The following PVRIG variants were observed in gnomAD, a reference collection of about 807,000 sequenced individuals.
The protein encoded by PVRIG is PVR related immunoglobulin domain containing.
A neutral mutation model predicts 21.9 loss-of-function variants in PVRIG; 16 were observed. That is an observed-to-expected ratio of 0.73 (90% CI 0.50 to 1.11). PVRIG has a LOEUF of 1.11. Among genes scored for constraint, PVRIG ranks in the 50% most tolerant of loss-of-function variants. The pLI, the probability that PVRIG is intolerant of heterozygous loss-of-function variation, is 0.00. For synonymous variants in PVRIG, 190 were observed against 181.0 expected (o/e 1.05, Z -0.40); for missense variants, 435 against 445.7 (o/e 0.98, Z 0.22).
exon 6 of PVRIG, chr7:100,221,319 T>C (rs1421622558): frequency 6.2e-6 from 8 of 1,290,458 alleles, no homozygotes; most frequent in Non-Finnish European, 8.3e-6. Flanking sequence ...TTACTTTAAT[T>C]CTTGGGCCTC....
At chr7:100,219,408 C>G (rs944031173) in intron 1 of PVRIG, 7 of 191,856 alleles carry the variant, frequency 3.6e-5, no homozygotes, top group African/African-American at 1.4e-4. Flanking sequence ...GGGGTGCGTT[C>G]AGGGTAGATC....
Position 100,221,488 on chromosome 7 carries a change from G to A in PVRIG, c.*237G>A, listed in dbSNP as rs117213391. 699 of 444,774 alleles carry A rather than the reference G, an allele frequency of 1.6e-3. 4 individuals are homozygous for A. The highest frequency in any genetic ancestry group is 6.5e-4 in the Non-Finnish European group (164 of 253,256). 27.6% of individuals were successfully genotyped at this position (444,774 alleles called of 1,614,324 possible). A position where few individuals can be genotyped will look rare whatever the true frequency, so the allele number is the denominator to read the frequency against. Reference sequence around the variant, plus strand: ...TCAGCAACACAGTTTCTCTGATGTCGGCCTCGGCTGTGCTTCTTCTTTGGG... The same window carrying A: ...TCAGCAACACAGTTTCTCTGATGTCAGCCTCGGCTGTGCTTCTTCTTTGGG... On this transcript the variant is annotated 3_prime_UTR_variant, in exon 6 of 6. Transcript: ENST00000317271.
chr7:100,220,937 C>T lies in PVRIG; in HGVS notation c.667C>T (p.Gln223Ter). Residue 223 changes from glutamine (Q) to a stop codon, truncating the protein, a stop_gained, in exon 6 of 6, where the codon CAG becomes TAG. Transcript: ENST00000317271. LOFTEE classifies it low-confidence loss of function (END_TRUNC). ...TCCTTCCCCCGCGCAGGCACCAAGC[C>T]AGGCCTCCCAGGCTGCTCTTCACGT... 1 of 1,577,408 alleles carries T rather than the reference C, an allele frequency of 6.3e-7. No homozygotes were observed. Among genetic ancestry groups the T allele is most frequent in the Non-Finnish European group, 8.6e-7 (1 of 1,159,638 alleles).
chr7:100,221,219 A>G (rs1803233377), exon 6 of PVRIG: 1 of 1,603,294 alleles, frequency 6.2e-7, no homozygotes, highest in Non-Finnish European at 8.5e-7. Context: ...TCGGGGGCCC[A>G]GGGCCATGGA....
exon 6 of PVRIG, chr7:100,221,253 A>G: frequency 1.3e-6 from 2 of 1,553,692 alleles, no homozygotes; most frequent in Non-Finnish European, 1.7e-6. Context: ...GTTCGATGAG[A>G]GAGACCATGA....
chr7:100,220,432 C>A, exon 3 of PVRIG: 1 of 1,607,452 alleles, frequency 6.2e-7, no homozygotes. Flanking sequence ...TCCTGGGAGG[C>A]CTGTGGGAGC....
chr7:100,221,256 G>A, exon 6 of PVRIG: 1 of 1,550,142 alleles, frequency 6.5e-7, no homozygotes, highest in East Asian at 2.3e-5. Context: ...CGATGAGAGA[G>A]ACCATGAGGC....
In PVRIG at chr7:100,220,486, C is replaced by G. The variant is rs374836603; in HGVS notation, c.469+22C>G. The G allele has an allele frequency of 2.5e-6, 4 of 1,612,106 alleles. No homozygotes were observed. In the African/African-American group the frequency reaches 5.3e-5, roughly 22 times the overall value. ...CCAGGTGGGGCCGGGGCGAGGGGTC[C>G]AGGAGGGCAGGGAGGGGCTCGGGAA... On this transcript the variant is annotated intron_variant, in intron 3 of 5. Transcript: ENST00000317271.
rs774671521 is a variant in PVRIG, at chr7:100,221,165, AGGCCTCCTCACACTGGTCCC to A, written c.902_921del (p.Pro301HisfsTer5). On this transcript the variant is annotated frameshift_variant, in exon 6 of 6. Transcript: ENST00000317271. LOFTEE classifies it low-confidence loss of function (END_TRUNC). The stretch of plus-strand genomic sequence containing the variant: ...TGGACTCTACGCTCAGGCAGGGGAG[AGGCCTCCTCACACTGGTCCC>A]GGCCTCACTCTTTTCCCTGACCCTC... The A allele has an allele frequency of 4.9e-5, 79 of 1,612,634 alleles. No homozygotes were observed. The East Asian group carries it at 1.7e-3, about 35-fold the overall frequency.
chr7:100,221,205 A>G (rs1298263068), exon 6 of PVRIG: 1 of 1,606,642 alleles, frequency 6.2e-7, no homozygotes, highest in South Asian at 1.1e-5. Context: ...CTTTTCCCTG[A>G]CCCTCGGGGG....
At chr7:100,221,226 T>C (rs1803234266) in exon 6 of PVRIG, 2 of 1,600,408 alleles carry the variant, frequency 1.2e-6, no homozygotes, top group African/African-American at 1.3e-5. Context: ...CCCAGGGCCA[T>C]GGAAGGACCC....
At chr7:100,220,767 C>T in exon 5 of PVRIG, 1 of 1,606,284 alleles carries the variant, frequency 6.2e-7, no homozygotes, top group South Asian at 1.1e-5. Flanking sequence ...CAGCCCTGCC[C>T]CTAGGCTCCA....
exon 6 of PVRIG, chr7:100,221,290 C>A: frequency 6.9e-7 from 1 of 1,443,176 alleles, no homozygotes; most frequent in Non-Finnish European, 9.2e-7. Flanking sequence ...CCCTCCCAGG[C>A]CTCCTGGGTG....
chr7:100,220,352 A>C (rs1369370812), exon 3 of PVRIG: 3 of 1,561,860 alleles, frequency 1.9e-6, no homozygotes, highest in Non-Finnish European at 2.6e-6. Flanking sequence ...TCATCCTGGA[A>C]GGCTCTGGGG....
At chr7:100,220,874 C>T in intron 5 of PVRIG, 54 bp downstream of exon 4, 4 of 1,598,896 alleles carry the variant, frequency 2.5e-6, no homozygotes, top group Non-Finnish European at 3.4e-6. Flanking sequence ...GGCAGGGGGG[C>T]CAGGGCTGGG....
chr7:100,219,927 A>G (rs1803093690), exon 2 of PVRIG: 1 of 1,549,770 alleles, frequency 6.5e-7, no homozygotes, highest in Admixed American at 2.0e-5. Context: ...ACAGAGGCAC[A>G]GGTGCCGGCC....
In PVRIG at chr7:100,219,708, CCCAGGCCTAG is replaced by C; in HGVS notation, c.-197_-188del. ...GCTTCTCTGCCCCTCCCCTGGCCTC[CCCAGGCCTAG>C]CCAGGGCTGGGTTCTCACCCACCTG... On this transcript the variant is annotated splice_acceptor_variant and splice_polypyrimidine_tract_variant and 5_prime_UTR_variant and intron_variant, in exon 2 of 6. Transcript: ENST00000317271. LOFTEE classifies it low-confidence loss of function (5UTR_SPLICE). 31 of 622,014 alleles carry C rather than the reference CCCAGGCCTAG, an allele frequency of 5.0e-5. 1 individual carries two copies. Among genetic ancestry groups the C allele is most frequent in the South Asian group, 3.6e-4 (19 of 52,064 alleles). 38.5% of individuals were successfully genotyped at this position (622,014 alleles called of 1,614,324 possible).
chr7:100,220,499 A>G (rs1803157022), intron 3 of PVRIG, 35 bp downstream of exon 2: 1 of 1,611,532 alleles, frequency 6.2e-7, no homozygotes, highest in Admixed American at 1.7e-5. Context: ...GAGGGCAGGG[A>G]GGGGCTCGGG....
At chr7:100,219,791 G>C (rs1803084280) in exon 2 of PVRIG, 1 of 791,170 alleles carries the variant, frequency 1.3e-6, no homozygotes. Flanking sequence ...GGACTGAGCA[G>C]GCCCTCACTG....
Sources: allele counts gnomAD v4.1 joint callset, GRCh38; gene constraint gnomAD v4.1.1; transcripts MANE v1.5; gene names NCBI Gene and HGNC (gene_info 2026-07-23, HGNC 2026-07-21).